The following SDR42E2 variants were observed in gnomAD, a reference collection of about 807,000 sequenced individuals.
The protein encoded by SDR42E2 is putative short-chain dehydrogenase/reductase family 42E member 2.
SDR42E2 carries 20 observed loss-of-function variants against 10.5 expected under a neutral mutation model. That is an observed-to-expected ratio of 1.90 (90% confidence interval 1.34 to 2.77). SDR42E2 has a LOEUF of 2.77. Among genes scored for constraint, SDR42E2 ranks in the 30% most tolerant of loss-of-function variants. SDR42E2 has a pLI of 0.00. For missense variants in SDR42E2, 162 were observed against 104.2 expected, an observed-to-expected ratio of 1.55 and a Z score of -2.42; for synonymous variants, 72 against 39.2, an observed-to-expected ratio of 1.84 and a Z score of -3.12.
Position 22,186,724 on chromosome 16 carries a change from C to CG in SDR42E2, c.944_945insG (p.Val316SerfsTer22). On this transcript the variant is annotated frameshift_variant, in exon 12 of 13. Coordinates refer to ENST00000602312, the MANE Select transcript of SDR42E2 (RefSeq NM_001394319.2). LOFTEE classifies it high-confidence loss of function. The stretch of plus-strand genomic sequence containing the variant: ...CTGGCCCCCTCCTTCCCTGCAGCAG[C>CG]AGTTATGGAGCGCCTCCATCTGGCC... 1 of 401,244 alleles carries CG rather than the reference C, an allele frequency of 2.5e-6. No homozygotes were observed. Among genetic ancestry groups the CG allele is most frequent in the Non-Finnish European group, 4.4e-6 (1 of 226,280 alleles). The allele number at this position is 401,244 out of a possible 1,614,324, so 24.9% of individuals were successfully genotyped here.
chr16:22,171,404 C>A (rs1221210704), intron 6 of SDR42E2, among the ~76,000 whole-genome samples: 1 of 151,722 alleles, frequency 6.6e-6, no homozygotes, highest in Non-Finnish European at 1.5e-5. Context: ...CCACAACCAG[C>A]CAATTTTTGT....
intron 10 of SDR42E2, among the ~76,000 whole-genome samples, chr16:22,182,536 T>C (rs2046704241): frequency 1.3e-5 from 2 of 152,008 alleles, no homozygotes; most frequent in Admixed American, 6.6e-5. Context: ...TTAGTAGAGA[T>C]GGGGTTTCAC....
chr16:22,189,703 T>G (rs940179438), intron 12 of SDR42E2, among the ~76,000 whole-genome samples: 5 of 152,072 alleles, frequency 3.3e-5, no homozygotes, highest in South Asian at 2.1e-4. Context: ...TCACAGTTGG[T>G]CTGGGGTTGG....
Position 22,184,220 on chromosome 16 carries a change from C to T in SDR42E2, c.916C>T (p.Pro306Ser), listed in dbSNP as rs2046719499. ...GTACAGCCAGCCCTGGATCCAGGTG[C>T]CTACTTCCTGGGTTTACCTGACAGG... ...LGYSQPWIQV[P>S]TSWVYLTAAV... The change falls in exon 11 of 13, where the codon CCT becomes TCT. Residue 306 changes from proline to serine, a missense_variant. Pro to Ser is a moderately conservative substitution (Grantham distance 74). Coordinates refer to ENST00000602312, the MANE Select transcript of SDR42E2 (RefSeq NM_001394319.2). 5.0e-6 allele frequency: 2 copies of T among 401,302 alleles called. No homozygotes were observed. Among genetic ancestry groups the T allele is most frequent in the South Asian group, 2.5e-4 (2 of 7,954 alleles). The allele number at this position is 401,302 out of a possible 1,614,324, so 24.9% of individuals were successfully genotyped here.
rs915814594 is a variant in SDR42E2, at chr16:22,191,391, G to C, written c.*998G>C. ...CCTTTCCAGCTCCGCCTCCCGGGTA[G>C]GTTCTCCCCGGAACCAGGCTGCCGC... On this transcript the variant is annotated 3_prime_UTR_variant, in exon 13 of 13. Coordinates refer to ENST00000602312, the MANE Select transcript of SDR42E2 (RefSeq NM_001394319.2). 2.1e-4 allele frequency: 32 copies of C among 152,482 alleles called. No homozygotes were observed. The highest frequency in any genetic ancestry group is 2.1e-3 in the Admixed American group (32 of 15,264). The allele number at this position is 152,482 out of a possible 1,614,324, so 9.4% of individuals were successfully genotyped here. A position where few individuals can be genotyped will look rare whatever the true frequency, so the allele number is the denominator to read the frequency against.
Position 22,191,104 on chromosome 16 carries a change from G to A in SDR42E2, c.*711G>A. ...GCCCTGCCCCTTTTTTCCTCCCTCCGGCCTGTCCGGTTTCTGATATGGGCC... is the reference window on the plus strand; with the variant it reads ...GCCCTGCCCCTTTTTTCCTCCCTCCAGCCTGTCCGGTTTCTGATATGGGCC... On this transcript the variant is annotated 3_prime_UTR_variant, in exon 13 of 13. Coordinates refer to ENST00000602312, the MANE Select transcript of SDR42E2 (RefSeq NM_001394319.2). The A allele has an allele frequency of 6.6e-6, 1 of 152,114 alleles. No individual in the cohort carries two copies. The highest frequency in any genetic ancestry group is 1.5e-5 in the Non-Finnish European group (1 of 68,712). The allele number at this position is 152,114 out of a possible 1,614,324, so 9.4% of individuals were successfully genotyped here. A position where few individuals can be genotyped will look rare whatever the true frequency, so the allele number is the denominator to read the frequency against.
intron 6 of SDR42E2, among the ~76,000 whole-genome samples, chr16:22,171,225 C>T (rs1257707161): frequency 6.6e-6 from 1 of 151,666 alleles, no homozygotes; most frequent in Non-Finnish European, 1.5e-5. Flanking sequence ...CCCTTTGAGC[C>T]TGTTTTTTTT....
At chr16:22,187,338 C>T (rs567375125) in intron 12 of SDR42E2, among the ~76,000 whole-genome samples, 8 of 152,206 alleles carry the variant, frequency 5.3e-5, no homozygotes, top group Middle Eastern at 3.4e-3. Flanking sequence ...TCCTCTTGGC[C>T]AGGTGTGGTG....
chr16:22,187,904 T>C (rs866832822), intron 12 of SDR42E2, among the ~76,000 whole-genome samples: 2 of 152,036 alleles, frequency 1.3e-5, no homozygotes, highest in African/African-American at 4.8e-5. Flanking sequence ...GAGACCAGCC[T>C]GGCCAACGCA....
intron 1 of SDR42E2, among the ~76,000 whole-genome samples, 155 bp downstream of exon 1, chr16:22,162,719 A>G (rs1212688728): frequency 6.6e-6 from 1 of 152,170 alleles, no homozygotes; most frequent in African/African-American, 2.4e-5. Context: ...CCCTTTTGCC[A>G]GTTCCTTCCA....
In SDR42E2 at chr16:22,190,649, G is replaced by A. The variant is rs1472441595; in HGVS notation, c.*256G>A. The A allele has an allele frequency of 6.2e-6, 2 of 325,102 alleles. No individual in the cohort carries two copies. The highest frequency in any genetic ancestry group is 5.1e-6 in the Non-Finnish European group (1 of 195,162). The allele number at this position is 325,102 out of a possible 1,614,324, so 20.1% of individuals were successfully genotyped here. A position where few individuals can be genotyped will look rare whatever the true frequency, so the allele number is the denominator to read the frequency against. On this transcript the variant is annotated 3_prime_UTR_variant, in exon 13 of 13. Coordinates refer to ENST00000602312, the MANE Select transcript of SDR42E2 (RefSeq NM_001394319.2). ...TTTGGCCCCGCCCCTGTCCTGTCCCGCCCCGCCCTCCGAAGTGGGCACGCT... is the reference window on the plus strand; with the variant it reads ...TTTGGCCCCGCCCCTGTCCTGTCCCACCCCGCCCTCCGAAGTGGGCACGCT...
intron 7 of SDR42E2, among the ~76,000 whole-genome samples, chr16:22,173,174 C>A (rs2046615075): frequency 1.3e-5 from 2 of 152,024 alleles, no homozygotes; most frequent in Admixed American, 6.6e-5. Flanking sequence ...ACATGCCAGG[C>A]CCTATTTTGC....
intron 5 of SDR42E2, among the ~76,000 whole-genome samples, chr16:22,169,925 A>G (rs886175381): frequency 2.0e-5 from 3 of 152,048 alleles, no homozygotes; most frequent in Admixed American, 2.0e-4. Context: ...CCACCTACCT[A>G]GGAGGCTGAG....
intron 11 of SDR42E2, 39 bp downstream of exon 11, chr16:22,184,283 C>T (rs1444790666): frequency 2.5e-5 from 10 of 400,678 alleles, no homozygotes; most frequent in Non-Finnish European, 4.4e-5. Flanking sequence ...CCTCCATGTG[C>T]CAGGTGTACC....
intron 7 of SDR42E2, among the ~76,000 whole-genome samples, chr16:22,177,115 C>T (rs143058469): frequency 7.2e-4 from 110 of 152,290 alleles, no homozygotes; most frequent in Admixed American, 1.3e-3. Context: ...AGCTCCACTG[C>T]GCTGATCTGT....
At chr16:22,163,730 G>A (rs1329165570) in intron 1 of SDR42E2, among the ~76,000 whole-genome samples, 1 of 151,874 alleles carries the variant, frequency 6.6e-6, no homozygotes, top group African/African-American at 2.4e-5. Context: ...AAAGCCATGA[G>A]TGTTCGTGCT....
At position 22,178,216 on chromosome 16, in the gene SDR42E2, C is replaced by T. The variant is rs2046661933; in HGVS notation, c.672+4C>T. The T allele has an allele frequency of 7.1e-6, 5 of 702,482 alleles. No individual in the cohort carries two copies. The highest frequency in any genetic ancestry group is 2.7e-5 in the East Asian group (1 of 37,282). 43.5% of individuals were successfully genotyped at this position (702,482 alleles called of 1,614,324 possible). A position where few individuals can be genotyped will look rare whatever the true frequency, so the allele number is the denominator to read the frequency against. ...GAGGCACCTGCCCCGTGTGGCGGTA[C>T]GTCATCCCCGCCTTCAGGACCCAAG... On this transcript the variant is annotated splice_donor_region_variant and intron_variant, in intron 8 of 12. Transcript: ENST00000602312.
At chr16:22,181,385 G>A (rs1394975687) in intron 8 of SDR42E2, 134 bp from the exon 9 acceptor site, 1 of 627,404 alleles carries the variant, frequency 1.6e-6, no homozygotes, top group Non-Finnish European at 2.9e-6. Context: ...CTGATATTCA[G>A]AGAGCATTGG....
At chr16:22,180,284 C>G (rs1416041495) in intron 8 of SDR42E2, among the ~76,000 whole-genome samples, 1 of 152,036 alleles carries the variant, frequency 6.6e-6, no homozygotes, top group East Asian at 1.9e-4. Flanking sequence ...CCTATAATCT[C>G]AGCATTTTGG....
Sources: allele counts gnomAD v4.1 joint callset (sites outside exome capture counted in the v4.1 genomes callset), GRCh38; gene constraint gnomAD v4.1.1; transcripts MANE v1.5; gene names NCBI Gene and HGNC (gene_info 2026-07-23, HGNC 2026-07-21).